Variants in SGCD observed in about 807,000 individuals in gnomAD.
SGCD encodes delta-sarcoglycan.
SGCD carries 18 observed loss-of-function variants against 36.6 expected under a neutral mutation model. That is an observed-to-expected ratio of 0.49 (90% CI 0.34 to 0.73). The LOEUF is 0.73. SGCD is among the 30% of genes least tolerant of loss of function. The pLI is 0.01. For missense variants in SGCD, 387 were observed against 346.7 expected, an observed-to-expected ratio of 1.12 and a Z score of -0.92; for synonymous variants, 133 against 130.6, an observed-to-expected ratio of 1.02 and a Z score of -0.12.
At chr5:156,541,262 T>C (rs1758338073) in intron 4 of SGCD, among the ~76,000 whole-genome samples, 1 of 152,198 alleles carries the variant, frequency 6.6e-6, no homozygotes, top group Non-Finnish European at 1.5e-5. Flanking sequence ...TTGCCCTAAG[T>C]CAGCTAAAAA....
intron 4 of SGCD, among the ~76,000 whole-genome samples, chr5:156,543,860 T>C (rs1043983362): frequency 1.3e-5 from 2 of 152,210 alleles, no homozygotes; most frequent in African/African-American, 4.8e-5. Flanking sequence ...AGGGAAACTT[T>C]TTCATAAACT....
chr5:156,332,179 T>G (rs982970624), intron 2 of SGCD, among the ~76,000 whole-genome samples: 1 of 152,200 alleles, frequency 6.6e-6, no homozygotes, highest in African/African-American at 2.4e-5. Context: ...ACCCCTCTGA[T>G]GTTACCAGGC....
At chr5:156,167,680 G>C (rs932985847) in intron 3 of SGCD, among the ~76,000 whole-genome samples, 7 of 151,984 alleles carry the variant, frequency 4.6e-5, no homozygotes, top group African/African-American at 1.7e-4. Context: ...CGTGTGATAC[G>C]CCTGCTCCCT....
intron 3 of SGCD, among the ~76,000 whole-genome samples, chr5:156,460,386 A>G (rs1324290361): frequency 1.3e-5 from 2 of 152,190 alleles, no homozygotes; most frequent in East Asian, 3.9e-4. Flanking sequence ...ATAATTGTGC[A>G]TATGCTAATG....
chr5:156,223,129 C>A (rs1298214902), intron 3 of SGCD, among the ~76,000 whole-genome samples: 2 of 151,994 alleles, frequency 1.3e-5, no homozygotes, highest in Non-Finnish European at 2.9e-5. Flanking sequence ...TGGTCTTTTT[C>A]CTACCTTGGA....
intron 1 of SGCD, among the ~76,000 whole-genome samples, chr5:156,027,693 T>C (rs912230938): frequency 1.3e-5 from 2 of 152,198 alleles, no homozygotes; most frequent in Non-Finnish European, 2.9e-5. Flanking sequence ...CTAAGACAGA[T>C]GTTACATTAT....
At chr5:156,376,281 T>C (rs1274191308) in intron 3 of SGCD, among the ~76,000 whole-genome samples, 1 of 152,206 alleles carries the variant, frequency 6.6e-6, no homozygotes, top group African/African-American at 2.4e-5. Flanking sequence ...ACACAAAGAA[T>C]TGTAGGGGAA....
At chr5:156,558,989 G>A (rs975144797) in intron 4 of SGCD, among the ~76,000 whole-genome samples, 2 of 150,524 alleles carry the variant, frequency 1.3e-5, no homozygotes, top group African/African-American at 2.5e-5. Context: ...GATTGCCAAA[G>A]CCATTCACTT....
the SGCD span, among the ~76,000 whole-genome samples, chr5:155,841,828 G>T: frequency 6.6e-6 from 1 of 152,214 alleles, no homozygotes; most frequent in African/African-American, 2.4e-5. Context: ...AAAAAGCCCA[G>T]ATGTGTTTAT....
intron 7 of SGCD, among the ~76,000 whole-genome samples, chr5:156,677,417 A>G (rs1171891301): frequency 6.6e-6 from 1 of 152,060 alleles, no homozygotes; most frequent in Non-Finnish European, 1.5e-5. Context: ...TCGCAAGGAC[A>G]GAAAACCAAA....
chr5:156,608,799 T>A (rs1227299523), intron 6 of SGCD, among the ~76,000 whole-genome samples: 2 of 152,186 alleles, frequency 1.3e-5, no homozygotes, highest in Admixed American at 6.5e-5. Context: ...CATTATGTAA[T>A]GGCCTTCTTT....
chr5:156,142,554 G>A (rs1020632280), intron 3 of SGCD, among the ~76,000 whole-genome samples: 10 of 152,162 alleles, frequency 6.6e-5, no homozygotes, highest in African/African-American at 1.9e-4. Flanking sequence ...TATTGACAGC[G>A]AAGTCCAGGC....
intron 1 of SGCD, among the ~76,000 whole-genome samples, chr5:155,961,023 A>C (rs991243699): frequency 6.6e-6 from 1 of 152,136 alleles, no homozygotes; most frequent in Admixed American, 6.5e-5. Context: ...TAATGAACTC[A>C]GTAACTAGGA....
chr5:156,085,537 A>T (rs138485080), intron 1 of SGCD, among the ~76,000 whole-genome samples: 257 of 152,358 alleles, frequency 1.7e-3, no homozygotes, highest in African/African-American at 6.0e-3. Context: ...ATGCATGTAC[A>T]GCCTGCAGAA....
intron 1 of SGCD, among the ~76,000 whole-genome samples, chr5:156,106,883 T>G (rs1349016927): frequency 6.6e-6 from 1 of 152,186 alleles, no homozygotes; most frequent in Non-Finnish European, 1.5e-5. Flanking sequence ...ATTATTTTAG[T>G]GTATCCAATA....
chr5:156,693,380 T>C (rs1754189839), intron 7 of SGCD, among the ~76,000 whole-genome samples: 2 of 152,124 alleles, frequency 1.3e-5, no homozygotes, highest in South Asian at 2.1e-4. Flanking sequence ...TGACTGCCTA[T>C]AGAGAAGGAG....
chr5:156,535,711 A>C (rs1248285064), intron 4 of SGCD, among the ~76,000 whole-genome samples: 1 of 152,202 alleles, frequency 6.6e-6, no homozygotes, highest in Non-Finnish European at 1.5e-5. Context: ...ACAATGATGA[A>C]TTTTAAAATT....
the SGCD span, among the ~76,000 whole-genome samples, chr5:155,859,654 T>C: frequency 6.6e-6 from 1 of 152,200 alleles, no homozygotes; most frequent in African/African-American, 2.4e-5. Context: ...GCTTTTGAGA[T>C]TCATCCATGC....
At chr5:155,818,559 C>T in the SGCD span, among the ~76,000 whole-genome samples, 2 of 152,160 alleles carry the variant, frequency 1.3e-5, no homozygotes, top group African/African-American at 2.4e-5. Context: ...CTCACGTTGG[C>T]ATCCAGGCTG....
Sources: allele counts gnomAD v4.1 joint callset (sites outside exome capture counted in the v4.1 genomes callset), GRCh38; gene constraint gnomAD v4.1.1; transcripts MANE v1.5; gene names NCBI Gene and HGNC (gene_info 2026-07-23, HGNC 2026-07-21).